PDE4D: variants seen among roughly 807,000 people sequenced by gnomAD.
PDE4D encodes phosphodiesterase 4D, also known as 3',5'-cyclic-AMP phosphodiesterase 4D.
Under a neutral mutation model 87.4 loss-of-function variants are expected in PDE4D, and 24 were observed. That is an observed-to-expected ratio of 0.27 (90% confidence interval 0.20 to 0.39). The LOEUF (loss-of-function observed/expected upper bound fraction) is 0.39. Among genes scored for constraint, PDE4D ranks in the 10% least tolerant of loss-of-function variants. The pLI is 1.00. For synonymous variants in PDE4D, 384 were observed against 383.2 expected, an observed-to-expected ratio of 1.00 and a Z score of -0.02; for missense variants, 714 against 1,041.0, an observed-to-expected ratio of 0.69 and a Z score of 4.32.
At chr5:59,137,588 G>C in intron 5 of PDE4D, among the ~76,000 whole-genome samples, 1 of 150,614 alleles carries the variant, frequency 6.6e-6, no homozygotes, top group Non-Finnish European at 1.5e-5. Flanking sequence ...GTGCAGTGGC[G>C]AGATCTCAGC....
chr5:59,262,876 C>T (rs571194243), intron 1 of PDE4D, among the ~76,000 whole-genome samples: 7 of 151,764 alleles, frequency 4.6e-5, no homozygotes, highest in Admixed American at 2.6e-4. Context: ...GTTTATGACA[C>T]GAGAAGAGTC....
Position 60,305,038 on chromosome 5 carries a change from T to TATACAC in PDE4D, c.-89-119352_-89-119351insGTGTAT, listed in dbSNP as rs1554202216. On this transcript the variant is annotated intron_variant, in intron 1 of 16. Coordinates refer to the PDE4D transcript ENST00000502484. ...CTCTAGTTATTTTAGTTTTGAGCTATACACACACACACACACACACACACA... is the reference window on the plus strand; with the variant it reads ...CTCTAGTTATTTTAGTTTTGAGCTATATACACACACACACACACACACACACACACA... 3.0e-3 allele frequency among the ~76,000 whole-genome samples: 406 copies of TATACAC among 135,936 alleles called. 2 individuals carry two copies. The highest frequency in any genetic ancestry group is 9.9e-3 in the African/African-American group (388 of 39,144). The allele number at this position is 135,936 out of a possible 152,430, so 89.2% of individuals were successfully genotyped here. A position where few individuals can be genotyped will look rare whatever the true frequency, so the allele number is the denominator to read the frequency against.
intron 1 of PDE4D, among the ~76,000 whole-genome samples, chr5:59,245,234 A>C (rs889674862): frequency 2.0e-5 from 3 of 152,112 alleles, no homozygotes; most frequent in African/African-American, 7.2e-5. Context: ...GTACACAAGG[A>C]CATGTTGGAA....
At chr5:59,648,384 C>T (rs1742825288) in intron 1 of PDE4D, among the ~76,000 whole-genome samples, 1 of 152,126 alleles carries the variant, frequency 6.6e-6, no homozygotes, top group Non-Finnish European at 1.5e-5. Flanking sequence ...TTTTCCAAGT[C>T]ACTCTCTTAA....
chr5:59,310,613 T>C (rs891857368), intron 1 of PDE4D, among the ~76,000 whole-genome samples: 1 of 152,184 alleles, frequency 6.6e-6, no homozygotes, highest in Non-Finnish European at 1.5e-5. Context: ...CTGACAGTTC[T>C]TCCTCTACAC....
At chr5:59,174,418 T>G (rs1354006911) in intron 5 of PDE4D, 1 of 152,630 alleles carries the variant, frequency 6.6e-6, no homozygotes, top group East Asian at 1.9e-4. Flanking sequence ...TGTCACTGCA[T>G]CATGTGTCTC....
chr5:59,725,427 T>C (rs959902095), intron 1 of PDE4D, among the ~76,000 whole-genome samples: 3 of 152,034 alleles, frequency 2.0e-5, no homozygotes, highest in Non-Finnish European at 2.9e-5. Context: ...TTTTAAAGTA[T>C]AACAAAAAGC....
intron 1 of PDE4D, among the ~76,000 whole-genome samples, chr5:60,362,863 GAAAAAAA>G (rs57443993): frequency 8.6e-6 from 1 of 116,048 alleles, no homozygotes; most frequent in South Asian, 2.7e-4. Context: ...TCCATCTCAA[GAAAAAAA>G]AAAAAAAAGA....
chr5:60,376,703 C>T (rs994252351), intron 1 of PDE4D, among the ~76,000 whole-genome samples: 1 of 152,202 alleles, frequency 6.6e-6, no homozygotes, highest in Admixed American at 6.5e-5. Context: ...GCCTCTACCC[C>T]TCACTGCACA....
chr5:59,151,027 A>T (rs1581077653), intron 5 of PDE4D, among the ~76,000 whole-genome samples: 1 of 152,124 alleles, frequency 6.6e-6, no homozygotes, highest in Admixed American at 6.5e-5. Flanking sequence ...GCAAAAGAAG[A>T]AGTTTCAGGT....
At chr5:59,414,383 A>G (rs1371971335) in intron 1 of PDE4D, among the ~76,000 whole-genome samples, 1 of 152,234 alleles carries the variant, frequency 6.6e-6, no homozygotes, top group Non-Finnish European at 1.5e-5. Flanking sequence ...CGCAGTCTTC[A>G]TCATGGAAGA....
chr5:59,428,379 T>C (rs2153630588), intron 1 of PDE4D, among the ~76,000 whole-genome samples: 1 of 152,200 alleles, frequency 6.6e-6, no homozygotes, highest in East Asian at 1.9e-4. Context: ...TATCAACTCA[T>C]AGCTACTCTT....
chr5:58,986,072 C>T (rs1273514341), intron 11 of PDE4D, among the ~76,000 whole-genome samples: 1 of 152,196 alleles, frequency 6.6e-6, no homozygotes, highest in East Asian at 1.9e-4. Context: ...TCCAAAGCTA[C>T]TCTGGCAACT....
At chr5:59,505,590 G>A (rs1027393769) in intron 1 of PDE4D, among the ~76,000 whole-genome samples, 3 of 152,160 alleles carry the variant, frequency 2.0e-5, no homozygotes, top group African/African-American at 7.2e-5. Context: ...TATGTGCCAA[G>A]CACTGTGCTA....
At chr5:59,250,782 A>C (rs1759781740) in intron 1 of PDE4D, among the ~76,000 whole-genome samples, 1 of 152,182 alleles carries the variant, frequency 6.6e-6, no homozygotes, top group Admixed American at 6.6e-5. Context: ...TTCAAACTAT[A>C]ATACAAGGAT....
intron 1 of PDE4D, chr5:60,431,212 C>T (rs1045836265): frequency 2.6e-5 from 5 of 192,948 alleles, no homozygotes; most frequent in Admixed American, 6.1e-5. Flanking sequence ...GGCTGCTGGG[C>T]GGAGACGCTC....
chr5:59,884,354 C>G (rs13155217), intron 1 of PDE4D, among the ~76,000 whole-genome samples: 8,521 of 151,884 alleles, frequency 0.056, 306 homozygotes, highest in African/African-American at 0.1. Context: ...CACACATGTA[C>G]ATAGACATAA....
At chr5:59,567,692 C>T (rs1049989766) in intron 1 of PDE4D, among the ~76,000 whole-genome samples, 7 of 152,034 alleles carry the variant, frequency 4.6e-5, no homozygotes, top group Non-Finnish European at 1.0e-4. Flanking sequence ...TGTATTTCAA[C>T]TTCAGTAAGG....
intron 1 of PDE4D, among the ~76,000 whole-genome samples, chr5:59,591,760 T>C (rs1435854639): frequency 2.0e-5 from 3 of 152,158 alleles, no homozygotes; most frequent in East Asian, 1.9e-4. Context: ...ATTGGGTTCA[T>C]ATAAATATAT....
Sources: allele counts gnomAD v4.1 joint callset (sites outside exome capture counted in the v4.1 genomes callset), GRCh38; gene constraint gnomAD v4.1.1; transcripts MANE v1.5; gene names NCBI Gene and HGNC (gene_info 2026-07-23, HGNC 2026-07-21).